ADAM22: variants seen among roughly 807,000 people sequenced by gnomAD.
The protein encoded by ADAM22 is ADAM metallopeptidase domain 22.
In ADAM22, 65 loss-of-function variants were observed where a neutral mutation model predicts 144.6. That is an observed-to-expected ratio of 0.45 (90% CI 0.37 to 0.55). ADAM22 has a LOEUF of 0.55. ADAM22 is among the 20% of genes least tolerant of loss of function. The probability of loss-of-function intolerance (pLI) is 0.00; values close to 1 mark genes in which losing one functional copy is unlikely to be tolerated. For synonymous variants in ADAM22, 391 were observed against 412.6 expected, an observed-to-expected ratio of 0.95 and a Z score of 0.63; for missense variants, 974 against 1,184.9, an observed-to-expected ratio of 0.82 and a Z score of 2.61.
rs1845313490 is a variant in ADAM22 at position 88,175,122 on chromosome 7, T to C, written c.2300+3561T>C. ...AATTATTAAGATAAATATAATTCAA[T>C]TGATGCTTTTAGGAAAGATTAGACT... On this transcript the variant is annotated intron_variant, in intron 26 of 31. Transcript: ENST00000413139. Among the ~76,000 whole-genome samples, 3 of 152,166 alleles carry C rather than the reference T, an allele frequency of 2.0e-5. No individual in the cohort carries two copies. In the South Asian group the frequency reaches 6.2e-4, roughly 32 times the overall value.
At chr7:88,126,293 C>A (rs1230974907) in intron 8 of ADAM22, among the ~76,000 whole-genome samples, 1 of 151,906 alleles carries the variant, frequency 6.6e-6, no homozygotes, top group Non-Finnish European at 1.5e-5. Flanking sequence ...ACAGTTTAGA[C>A]AAAATTAAGA....
intron 2 of ADAM22, among the ~76,000 whole-genome samples, chr7:87,959,994 A>G (rs951495037): frequency 1.3e-5 from 2 of 152,074 alleles, no homozygotes; most frequent in Non-Finnish European, 2.9e-5. Context: ...TGTTTTTGGT[A>G]CCATTGTAGA....
intron 3 of ADAM22, among the ~76,000 whole-genome samples, chr7:88,074,955 T>C (rs1427937238): frequency 1.3e-5 from 2 of 152,206 alleles, no homozygotes; most frequent in Admixed American, 6.5e-5. Flanking sequence ...TTATTAATGA[T>C]AGTTTTATTT....
chr7:88,107,344 G>A (rs1824706728), intron 4 of ADAM22, among the ~76,000 whole-genome samples: 1 of 148,012 alleles, frequency 6.8e-6, no homozygotes. Context: ...TGGGATTACA[G>A]GCATGCACTA....
In ADAM22 at chr7:88,179,047, G is replaced by A. The variant is rs1846353628; in HGVS notation, c.2413G>A (p.Ala805Thr). 6.2e-7 allele frequency: 1 copy of A among 1,608,812 alleles called. No individual in the cohort carries two copies. The highest frequency in any genetic ancestry group is 1.3e-5 in the African/African-American group (1 of 74,806). The change falls in exon 27 of 32, where the codon GCT (alanine) becomes ACT (threonine). Residue 805 changes from alanine to threonine, a missense_variant. Physicochemically the swap from Ala to Thr is moderately conservative, Grantham distance 58. Transcript: ENST00000413139. Reference sequence around the variant, plus strand: ...AGCATCTAGTTCTAAGAAGAGGTCTGCTTTTCTGTCGCATTTTCAGATTTC... The same window carrying A: ...AGCATCTAGTTCTAAGAAGAGGTCTACTTTTCTGTCGCATTTTCAGATTTC... ...NSASSSKKRS[A>T]FLSHFQISTC... is the part of the protein sequence containing the mutation.
In ADAM22 at chr7:88,116,783, G is replaced by A; in HGVS notation, c.576G>A (p.Leu192=). ...FHFHSVYKSR[L]FEFSLDDLPS... is the part of the protein sequence containing the mutation. ...TTCATTCAGTTTACAAATCCAGACTGTTTGAATTTTCCTTGGATGATCTTC... is the reference window on the plus strand; with the variant it reads ...TTCATTCAGTTTACAAATCCAGACTATTTGAATTTTCCTTGGATGATCTTC... Residue 192 remains leucine (L), a synonymous_variant, in exon 7 of 32, where the codon CTG becomes CTA. Coordinates refer to ENST00000413139, the MANE Select transcript of ADAM22 (RefSeq NM_001324418.2). 3 of 1,613,332 alleles carry A rather than the reference G, an allele frequency of 1.9e-6. No homozygotes were observed. The highest frequency in any genetic ancestry group is 2.5e-6 in the Non-Finnish European group (3 of 1,179,654).
At chr7:88,038,425 A>T (rs900303517) in intron 3 of ADAM22, among the ~76,000 whole-genome samples, 2 of 151,988 alleles carry the variant, frequency 1.3e-5, no homozygotes, top group Non-Finnish European at 2.9e-5. Flanking sequence ...AAAGTCACAT[A>T]AACAGAATGA....
At position 88,156,072 on chromosome 7, in the gene ADAM22, C is replaced by A. The variant is rs1839860224; in HGVS notation, c.1907+66C>A. ...TTTCTCAGGAATGCAGTTTAGGATTCCTTCCGTTTTCAATTAATGTACATG... is the reference window on the plus strand; with the variant it reads ...TTTCTCAGGAATGCAGTTTAGGATTACTTCCGTTTTCAATTAATGTACATG... On this transcript the variant is annotated intron_variant, in intron 22 of 31. Coordinates refer to ENST00000413139, the MANE Select transcript of ADAM22 (RefSeq NM_001324418.2). The A allele has an allele frequency of 5.1e-6, 8 of 1,572,352 alleles. No homozygotes were observed. The Admixed American group carries it at 1.4e-4, about 27-fold the overall frequency.
In ADAM22 at chr7:88,164,622, C is replaced by T. The variant is rs548126488; in HGVS notation, c.2077-1210C>T. ...CTGGGTAACATTGGGCAAATTTCTT[C>T]GCCTTTGTGACTCAATTTCTTCCTC... On this transcript the variant is annotated intron_variant, in intron 23 of 31. Transcript: ENST00000413139. Among the ~76,000 whole-genome samples, 8 of 152,110 alleles carry T rather than the reference C, an allele frequency of 5.3e-5. No homozygotes were observed. The South Asian group carries it at 1.0e-3, about 20-fold the overall frequency.
At chr7:88,024,681 C>G (rs562572469) in intron 3 of ADAM22, among the ~76,000 whole-genome samples, 20 of 150,836 alleles carry the variant, frequency 1.3e-4, no homozygotes, top group African/African-American at 4.4e-4. Flanking sequence ...AGGTAAATCT[C>G]CTAATGCTAT....
At chr7:88,107,205 T>C (rs1457346686) in intron 4 of ADAM22, among the ~76,000 whole-genome samples, 1 of 141,694 alleles carries the variant, frequency 7.1e-6, no homozygotes, top group East Asian at 2.0e-4. Context: ...TTTCTTTTTT[T>C]TTTTTTTTTT....
intron 3 of ADAM22, among the ~76,000 whole-genome samples, chr7:88,023,655 C>A (rs1008997591): frequency 2.2e-4 from 33 of 152,288 alleles, no homozygotes; most frequent in African/African-American, 7.7e-4. Context: ...CCCCGCCTAC[C>A]TCAGCCTCCC....
At chr7:87,940,393 C>T (rs1017736147) in intron 2 of ADAM22, among the ~76,000 whole-genome samples, 2 of 152,080 alleles carry the variant, frequency 1.3e-5, no homozygotes, top group African/African-American at 4.8e-5. Context: ...CCAAGAACTA[C>T]AATGATATAA....
chr7:88,191,348 GAC>G (rs1389924832), intron 30 of ADAM22, among the ~76,000 whole-genome samples: 1 of 152,200 alleles, frequency 6.6e-6, no homozygotes, highest in Non-Finnish European at 1.5e-5. Context: ...TAATGGTGTG[GAC>G]ACACATGCTG....
In ADAM22 at chr7:87,934,300, C is replaced by A. The variant is rs1840636795; in HGVS notation, c.-166C>A. On this transcript the variant is annotated 5_prime_UTR_variant, in exon 1 of 32. Coordinates refer to ENST00000413139, the MANE Select transcript of ADAM22 (RefSeq NM_001324418.2). Reference sequence around the variant, plus strand: ...GAAGCGTCCGCGAAGCACAATGCAGCACTGAGCCGCGGTGGAGGTTGCAGC... The same window carrying A: ...GAAGCGTCCGCGAAGCACAATGCAGAACTGAGCCGCGGTGGAGGTTGCAGC... 1 of 598,364 alleles carries A rather than the reference C, an allele frequency of 1.7e-6. No individual in the cohort carries two copies. 37.1% of individuals were successfully genotyped at this position (598,364 alleles called of 1,614,324 possible).
rs372977700 is a variant in ADAM22 at position 87,948,347 on chromosome 7, T to A, written c.246+13161T>A. On this transcript the variant is annotated intron_variant, in intron 2 of 31. Coordinates refer to ENST00000413139, the MANE Select transcript of ADAM22 (RefSeq NM_001324418.2). ...TCAACACGCTTTCCATTTTACTACT[T>A]ACTTGTAAACCTATATTTTGTGAGG... Among the ~76,000 whole-genome samples the A allele has an allele frequency of 1.3e-4, 20 of 152,332 alleles. No individual in the cohort carries two copies. In the East Asian group the frequency reaches 3.7e-3, roughly 28 times the overall value.
chr7:88,142,769 T>C (rs1179018481), intron 14 of ADAM22, among the ~76,000 whole-genome samples: 20 of 148,652 alleles, frequency 1.3e-4, no homozygotes, highest in South Asian at 2.1e-4. Context: ...ACCCGGGAGG[T>C]GGAGCTTGCA....
At chr7:88,126,584 G>A (rs1291826497) in intron 8 of ADAM22, among the ~76,000 whole-genome samples, 1 of 151,922 alleles carries the variant, frequency 6.6e-6, no homozygotes, top group Admixed American at 6.6e-5. Flanking sequence ...ACCTTAAGAG[G>A]AAGGTATTAT....
At chr7:88,110,584 G>T (rs986224557) in intron 5 of ADAM22, among the ~76,000 whole-genome samples, 4 of 150,482 alleles carry the variant, frequency 2.7e-5, no homozygotes, top group Non-Finnish European at 5.9e-5. Flanking sequence ...CTTTTAGGCC[G>T]GGCACGGTGG....
Sources: allele counts gnomAD v4.1 joint callset (sites outside exome capture counted in the v4.1 genomes callset), GRCh38; gene constraint gnomAD v4.1.1; transcripts MANE v1.5; gene names NCBI Gene and HGNC (gene_info 2026-07-23, HGNC 2026-07-21).